Variants in ADK observed in about 807,000 individuals in gnomAD.
ADK encodes adenosine kinase, also known as N6,N6-dimethyladenosine kinase.
ADK carries 24 observed loss-of-function variants against 44.7 expected under a neutral mutation model. The ratio of observed to expected loss-of-function variants is 0.54; its 90% CI spans 0.39 to 0.76. ADK has a LOEUF of 0.76. Ranked by LOEUF, ADK falls within the 30% of genes least tolerant of loss-of-function variation. The pLI, the probability that ADK is intolerant of heterozygous loss-of-function variation, is 0.00. For missense variants in ADK, 321 were observed against 425.1 expected (o/e 0.76, Z 2.15); for synonymous variants, 128 against 142.6 (o/e 0.90, Z 0.73).
intron 6 of ADK, among the ~76,000 whole-genome samples, chr10:74,414,923 A>G (rs1337129938): frequency 1.3e-5 from 2 of 152,176 alleles, no homozygotes; most frequent in Non-Finnish European, 2.9e-5. Flanking sequence ...TTTGGCAGCT[A>G]CCAAAAGTAA....
chr10:74,359,688 C>T (rs1592098184), intron 4 of ADK, among the ~76,000 whole-genome samples: 2 of 151,960 alleles, frequency 1.3e-5, no homozygotes, highest in East Asian at 3.9e-4. Context: ...CTAGCCTGAG[C>T]AACAGAGAGA....
intron 4 of ADK, among the ~76,000 whole-genome samples, chr10:74,385,722 A>G (rs564662169): frequency 2.0e-5 from 3 of 152,268 alleles, no homozygotes; most frequent in South Asian, 4.1e-4. Context: ...ATCCTATTCA[A>G]TCATCACAAT....
intron 3 of ADK, among the ~76,000 whole-genome samples, chr10:74,276,647 A>G (rs2132429162): frequency 6.6e-6 from 1 of 152,232 alleles, no homozygotes; most frequent in African/African-American, 2.4e-5. Context: ...TCTAGGGGTG[A>G]ATGTTTCCAA....
intron 1 of ADK, among the ~76,000 whole-genome samples, chr10:74,173,933 ATAGT>A (rs1842241881): frequency 6.6e-6 from 1 of 152,252 alleles, no homozygotes; most frequent in Non-Finnish European, 1.5e-5. Flanking sequence ...ACTCTTTACT[ATAGT>A]TAATTAAATT....
At chr10:74,186,294 C>T (rs1661939303) in intron 1 of ADK, among the ~76,000 whole-genome samples, 1 of 151,142 alleles carries the variant, frequency 6.6e-6, no homozygotes, top group Non-Finnish European at 1.5e-5. Context: ...CTTCTCCTTT[C>T]CTTTCCACAG....
chr10:74,470,703 A>G (rs1846551202), intron 6 of ADK, among the ~76,000 whole-genome samples: 1 of 151,874 alleles, frequency 6.6e-6, no homozygotes, highest in Non-Finnish European at 1.5e-5. Context: ...TATTGGATAT[A>G]TGGTTTGTAA....
chr10:74,286,217 T>C (rs781711082), intron 3 of ADK, among the ~76,000 whole-genome samples: 3 of 152,166 alleles, frequency 2.0e-5, no homozygotes, highest in Non-Finnish European at 4.4e-5. Flanking sequence ...CACACCTGGC[T>C]CATTTTTTAA....
intron 3 of ADK, among the ~76,000 whole-genome samples, chr10:74,298,771 AAAAAC>A (rs1839902850): frequency 1.2e-5 from 1 of 83,790 alleles, no homozygotes; most frequent in Non-Finnish European, 3.4e-5. Context: ...AAACAAAAAC[AAAAAC>A]AAACCAGAAT....
At chr10:74,389,022 T>C (rs1330396142) in intron 4 of ADK, among the ~76,000 whole-genome samples, 3 of 152,212 alleles carry the variant, frequency 2.0e-5, no homozygotes, top group Admixed American at 6.5e-5. Flanking sequence ...CTTGTTTCTT[T>C]CCTATCAGAG....
At chr10:74,671,522 T>A (rs1428261992) in intron 10 of ADK, among the ~76,000 whole-genome samples, 1 of 152,234 alleles carries the variant, frequency 6.6e-6, no homozygotes, top group Non-Finnish European at 1.5e-5. Flanking sequence ...TATGATTGTG[T>A]TTTTTATTTC....
intron 7 of ADK, among the ~76,000 whole-genome samples, chr10:74,545,319 C>T (rs766774587): frequency 1.3e-5 from 2 of 152,106 alleles, no homozygotes; most frequent in East Asian, 1.9e-4. Flanking sequence ...TATGTTTTCA[C>T]GTATGGAGTT....
At chr10:74,325,187 T>TA (rs1213251123) in intron 4 of ADK, among the ~76,000 whole-genome samples, 1 of 152,184 alleles carries the variant, frequency 6.6e-6, no homozygotes, top group Non-Finnish European at 1.5e-5. Flanking sequence ...CTTTTCATCT[T>TA]AGAGATCTTT....
chr10:74,373,154 T>G (rs1176645134), intron 4 of ADK, among the ~76,000 whole-genome samples: 1 of 151,380 alleles, frequency 6.6e-6, no homozygotes, highest in Non-Finnish European at 1.5e-5. Context: ...CTATCTCATA[T>G]GCAAAAATTA....
At chr10:74,667,204 A>G (rs1854990776) in intron 9 of ADK, among the ~76,000 whole-genome samples, 1 of 152,152 alleles carries the variant, frequency 6.6e-6, no homozygotes, top group Admixed American at 6.5e-5. Context: ...ATGTAATAAA[A>G]CATAAATATT....
chr10:74,360,557 GCTCT>G (rs138951383), intron 4 of ADK, among the ~76,000 whole-genome samples: 50 of 150,140 alleles, frequency 3.3e-4, no homozygotes, highest in Admixed American at 1.9e-3. Flanking sequence ...TCTCTCTCAT[GCTCT>G]CTCTCTCTCT....
At chr10:74,461,023 C>G (rs867226953) in intron 6 of ADK, among the ~76,000 whole-genome samples, 2 of 152,084 alleles carry the variant, frequency 1.3e-5, no homozygotes, top group Non-Finnish European at 2.9e-5. Flanking sequence ...TGAAATACTG[C>G]TAATGGAGGT....
chr10:74,325,804 TC>T (rs1840985522), intron 4 of ADK, among the ~76,000 whole-genome samples: 1 of 152,202 alleles, frequency 6.6e-6, no homozygotes, highest in Non-Finnish European at 1.5e-5. Context: ...CATTCATATA[TC>T]CATGGGATGA....
intron 4 of ADK, among the ~76,000 whole-genome samples, chr10:74,357,213 C>T (rs1471682984): frequency 1.3e-5 from 2 of 152,086 alleles, no homozygotes; most frequent in Non-Finnish European, 2.9e-5. Context: ...TTCTTGTGTC[C>T]TTATGTCATT....
intron 3 of ADK, among the ~76,000 whole-genome samples, chr10:74,288,423 G>A (rs1260703637): frequency 6.6e-6 from 1 of 152,182 alleles, no homozygotes; most frequent in Non-Finnish European, 1.5e-5. Context: ...GCTGAGGCAG[G>A]CGGATCAGCT....
Sources: allele counts gnomAD v4.1 joint callset (sites outside exome capture counted in the v4.1 genomes callset), GRCh38; gene constraint gnomAD v4.1.1; transcripts MANE v1.5; gene names NCBI Gene and HGNC (gene_info 2026-07-23, HGNC 2026-07-21).